SNX29: variants seen among roughly 807,000 people sequenced by gnomAD.
SNX29 encodes the protein sorting nexin 29.
SNX29 carries 78 observed loss-of-function variants against 102.1 expected under a neutral mutation model. The ratio of observed to expected loss-of-function variants is 0.76; its 90% CI spans 0.64 to 0.92. The LOEUF (loss-of-function observed/expected upper bound fraction) is 0.92. Among genes scored for constraint, SNX29 ranks in the 40% least tolerant of loss-of-function variants. SNX29 has a pLI of 0.00. For missense variants in SNX29, 1,280 were observed against 1,061.7 expected (o/e 1.21, Z -2.86); for synonymous variants, 580 against 414.5 (o/e 1.40, Z -4.85).
chr16:12,040,959 G>A (rs1218193252), intron 4 of SNX29, among the ~76,000 whole-genome samples: 4 of 152,042 alleles, frequency 2.6e-5, no homozygotes, highest in East Asian at 1.9e-4. Flanking sequence ...GACTACAGGC[G>A]TGCGCCACCA....
At chr16:12,422,603 G>A (rs1486877669) in intron 18 of SNX29, among the ~76,000 whole-genome samples, 1 of 152,136 alleles carries the variant, frequency 6.6e-6, no homozygotes, top group Non-Finnish European at 1.5e-5. Context: ...CTGTTGTCTG[G>A]GCCAAGTCAG....
rs373310951 is a variant in SNX29, at chr16:12,439,345, G to A, written c.2037+35816G>A. On this transcript the variant is annotated intron_variant, in intron 18 of 20. Transcript: ENST00000566228. ...GGGGAGTAGTGGGTCCTGATTTTCCGGTGTGGAGTCAGGGCTTGGCTTCTG... is the reference window on the plus strand; with the variant it reads ...GGGGAGTAGTGGGTCCTGATTTTCCAGTGTGGAGTCAGGGCTTGGCTTCTG... 8.5e-5 allele frequency among the ~76,000 whole-genome samples: 13 copies of A among 152,186 alleles called. 1 individual carries two copies. The highest frequency in any genetic ancestry group is 2.0e-4 in the Admixed American group (3 of 15,278).
chr16:12,148,633 T>C (rs991720267), intron 13 of SNX29, among the ~76,000 whole-genome samples: 4 of 152,202 alleles, frequency 2.6e-5, no homozygotes, highest in African/African-American at 9.7e-5. Context: ...AGATTCATGA[T>C]TTATCACTGC....
chr16:12,011,882 G>C (rs1388084671), intron 3 of SNX29, among the ~76,000 whole-genome samples: 1 of 152,110 alleles, frequency 6.6e-6, no homozygotes, highest in African/African-American at 2.4e-5. Context: ...CACTTGCTAG[G>C]GTTATAGTCA....
chr16:12,088,640 C>G (rs2052339527), intron 11 of SNX29, among the ~76,000 whole-genome samples: 1 of 152,168 alleles, frequency 6.6e-6, no homozygotes, highest in South Asian at 2.1e-4. Context: ...TGCTGGATCC[C>G]TTTTTCCATT....
At chr16:12,247,729 CT>C (rs1372076127) in intron 14 of SNX29, among the ~76,000 whole-genome samples, 1 of 152,198 alleles carries the variant, frequency 6.6e-6, no homozygotes, top group East Asian at 1.9e-4. Flanking sequence ...GGCCTCCAGA[CT>C]AGTTTTTAAT....
At chr16:12,499,080 C>T (rs904731206) in intron 19 of SNX29, among the ~76,000 whole-genome samples, 3 of 152,120 alleles carry the variant, frequency 2.0e-5, no homozygotes, top group Non-Finnish European at 4.4e-5. Context: ...TCATTCCTTC[C>T]CCTTATGCCC....
At chr16:12,215,099 A>G (rs146998370) in intron 14 of SNX29, among the ~76,000 whole-genome samples, 1 of 152,312 alleles carries the variant, frequency 6.6e-6, no homozygotes, top group Non-Finnish European at 1.5e-5. Context: ...GCCAACATGC[A>G]TTAAGCACCA....
chr16:11,985,470 T>G (rs1256680044), intron 1 of SNX29, among the ~76,000 whole-genome samples: 1 of 152,230 alleles, frequency 6.6e-6, no homozygotes, highest in East Asian at 1.9e-4. Flanking sequence ...CAAGCTTAGC[T>G]GGATCCACGT....
In SNX29 at chr16:12,135,763, TATACTC is replaced by T. The variant is rs566111480; in HGVS notation, c.1595+6009_1595+6014del. 636 of 481,888 alleles carry T rather than the reference TATACTC, an allele frequency of 1.3e-3. 2 individuals carry two copies. Among genetic ancestry groups the T allele is most frequent in the African/African-American group, 0.012 (594 of 49,836 alleles). The allele number at this position is 481,888 out of a possible 1,614,324, so 29.9% of individuals were successfully genotyped here. A position where few individuals can be genotyped will look rare whatever the true frequency, so the allele number is the denominator to read the frequency against. ...GCCATTTGTGGTGGTTTTTCTCCAT[TATACTC>T]ATAAGAGTCCTGACTGAAGAGGCCT... On this transcript the variant is annotated intron_variant, in intron 13 of 20. Coordinates refer to ENST00000566228, the MANE Select transcript of SNX29 (RefSeq NM_032167.5).
Position 12,051,957 on chromosome 16 carries a change from G to C in SNX29, c.859G>C (p.Gly287Arg). 1 of 1,613,848 alleles carries C rather than the reference G, an allele frequency of 6.2e-7. No individual in the cohort carries two copies. The highest frequency in any genetic ancestry group is 2.2e-5 in the East Asian group (1 of 44,874). Residue 287 changes from glycine (G) to arginine (R), a missense_variant, in exon 8 of 21, where the codon GGG (glycine) becomes CGG (arginine). Gly to Arg is a moderately radical substitution (Grantham distance 125). Transcript: ENST00000566228. ...TGGGGACGTGTTTAAAAAGACACCT[G>C]GGGCAGGGGAGAGCTCAGAGGACAA... is the stretch of plus-strand genomic sequence containing the variant. ...NSGDVFKKTPGAGESSEDNSD... is the reference protein window; with the variant it reads ...NSGDVFKKTPRAGESSEDNSD...
At chr16:12,521,934 C>T (rs945600924) in intron 19 of SNX29, among the ~76,000 whole-genome samples, 3 of 152,192 alleles carry the variant, frequency 2.0e-5, no homozygotes, top group African/African-American at 7.2e-5. Flanking sequence ...CTGATGGTGA[C>T]ATTGGAGTGG....
intron 20 of SNX29, among the ~76,000 whole-genome samples, chr16:12,542,467 G>T (rs1357271040): frequency 6.6e-6 from 1 of 152,232 alleles, no homozygotes; most frequent in Admixed American, 6.5e-5. Context: ...AAGTAGCTGG[G>T]ATTACAGGGA....
intron 13 of SNX29, among the ~76,000 whole-genome samples, chr16:12,148,549 G>A (rs2055162734): frequency 6.6e-6 from 1 of 152,170 alleles, no homozygotes; most frequent in Non-Finnish European, 1.5e-5. Flanking sequence ...TCCCCTGCAT[G>A]ATTAGTCCCT....
At chr16:12,097,418 C>T (rs2052812554) in intron 11 of SNX29, among the ~76,000 whole-genome samples, 1 of 152,224 alleles carries the variant, frequency 6.6e-6, no homozygotes, top group Non-Finnish European at 1.5e-5. Context: ...GGCCGACTTC[C>T]CGCATCTGGC....
At chr16:12,566,303 C>G (rs749383267) in intron 20 of SNX29, among the ~76,000 whole-genome samples, 1 of 152,204 alleles carries the variant, frequency 6.6e-6, no homozygotes, top group Non-Finnish European at 1.5e-5. Context: ...ACACGTGCCT[C>G]CAAGCTATGT....
intron 16 of SNX29, chr16:12,366,877 T>TC (rs968153296): frequency 6.0e-5 from 9 of 150,082 alleles, no homozygotes; most frequent in African/African-American, 2.2e-4. Flanking sequence ...GTCTGTCTCT[T>TC]CCCCCTGCCT....
intron 16 of SNX29, among the ~76,000 whole-genome samples, chr16:12,358,550 C>A (rs2082208210): frequency 6.6e-6 from 1 of 152,138 alleles, no homozygotes; most frequent in African/African-American, 2.4e-5. Context: ...CTTTTTCTAC[C>A]CAAGGCAGGA....
At chr16:12,534,114 G>T (rs1158594927) in intron 20 of SNX29, among the ~76,000 whole-genome samples, 1 of 152,218 alleles carries the variant, frequency 6.6e-6, no homozygotes, top group South Asian at 2.1e-4. Context: ...CGATGACAAG[G>T]TGCTAACCAG....
Sources: gnomAD v4.1 joint callset for allele counts (sites outside exome capture counted in the v4.1 genomes callset) on GRCh38, gnomAD v4.1.1 for gene constraint, MANE v1.5 for transcripts, NCBI Gene and HGNC (gene_info 2026-07-23, HGNC 2026-07-21) for gene names.